The following NAV3 variants were observed in gnomAD, a reference collection of about 807,000 sequenced individuals.
The protein encoded by NAV3 is pore membrane and/or filament interacting like protein 1.
Under a neutral mutation model 244.7 loss-of-function variants are expected in NAV3, and 87 were observed. The ratio of observed to expected loss-of-function variants is 0.36; its 90% CI spans 0.30 to 0.42. The LOEUF (loss-of-function observed/expected upper bound fraction) is 0.42, where lower values mean the gene tolerates loss of function less well. Ranked by LOEUF, NAV3 falls within the 20% of genes least tolerant of loss-of-function variation. The probability of loss-of-function intolerance (pLI) is 1.00; values close to 1 mark genes in which losing one functional copy is unlikely to be tolerated. For missense variants in NAV3, 2,663 were observed against 2,893.3 expected (o/e 0.92, Z 1.83); for synonymous variants, 1,126 against 1,042.2 (o/e 1.08, Z -1.55).
At chr12:77,580,219 A>AAC (rs59671759) in intron 2 of NAV3, among the ~76,000 whole-genome samples, 8,247 of 145,334 alleles carry the variant, frequency 0.057, 276 homozygotes, top group East Asian at 0.13. Context: ...GTAGGGTGGG[A>AAC]ACACACACAC....
In NAV3 at chr12:78,190,033, T is replaced by C. The variant is rs1036393724; in HGVS notation, c.6105T>C (p.Pro2035=). ...GTTTTGTTTTTGATACGCTGATTCC[T>C]AAACCAATTACCCAAAGGTACTTTA... ...LDSFVFDTLI[P]KPITQRYFNL... Residue 2035 remains proline (P), a synonymous_variant, in exon 34 of 40, where the codon CCT becomes CCC. Coordinates refer to ENST00000397909, the MANE Select transcript of NAV3 (RefSeq NM_001024383.2). 1 of 1,613,176 alleles carries C rather than the reference T, an allele frequency of 6.2e-7. No homozygotes were observed. Among genetic ancestry groups the C allele is most frequent in the Non-Finnish European group, 8.5e-7 (1 of 1,179,446 alleles).
intron 2 of NAV3, among the ~76,000 whole-genome samples, chr12:77,727,526 C>T (rs1021995906): frequency 4.6e-5 from 7 of 151,174 alleles, no homozygotes; most frequent in Non-Finnish European, 8.8e-5. Context: ...TGAAATGAAA[C>T]GTAAGTGAAA....
chr12:78,159,185 C>A lies in NAV3; in HGVS notation c.4786-18C>A. On this transcript the variant is annotated intron_variant, in intron 22 of 39. Transcript: ENST00000397909. ...AGATTCTGACATTTAAACTATGTTT[C>A]TTCCATTCTGTTCACAGGCTCACCT... 1.2e-6 allele frequency: 2 copies of A among 1,605,636 alleles called. No homozygotes were observed. Among genetic ancestry groups the A allele is most frequent in the Non-Finnish European group, 8.5e-7 (1 of 1,175,388 alleles).
At chr12:77,656,948 C>A (rs1441013733) in intron 2 of NAV3, among the ~76,000 whole-genome samples, 1 of 152,122 alleles carries the variant, frequency 6.6e-6, no homozygotes, top group Non-Finnish European at 1.5e-5. Flanking sequence ...CTCTGGGACA[C>A]ATTCAAAGCA....
chr12:77,597,677 A>G (rs12227351), intron 2 of NAV3, among the ~76,000 whole-genome samples: 1 of 152,230 alleles, frequency 6.6e-6, no homozygotes, highest in East Asian at 1.9e-4. Context: ...GCTTTCTGAT[A>G]TTAAATAGCT....
At chr12:77,632,952 T>G (rs1255694823) in intron 2 of NAV3, among the ~76,000 whole-genome samples, 1 of 152,170 alleles carries the variant, frequency 6.6e-6, no homozygotes, top group Non-Finnish European at 1.5e-5. Flanking sequence ...TTGCAACTGG[T>G]CTTCTCTTTC....
At chr12:77,613,682 G>A (rs1179550184) in intron 2 of NAV3, among the ~76,000 whole-genome samples, 1 of 152,102 alleles carries the variant, frequency 6.6e-6, no homozygotes, top group African/African-American at 2.4e-5. Flanking sequence ...AGGCTGGAAG[G>A]GTAGTGTGTG....
At chr12:77,969,057 T>C (rs1593151846) in intron 5 of NAV3, among the ~76,000 whole-genome samples, 1 of 152,168 alleles carries the variant, frequency 6.6e-6, no homozygotes, top group African/African-American at 2.4e-5. Context: ...TTATCTTTCA[T>C]TGATATTTTT....
chr12:78,179,731 G>T (rs772970880), intron 29 of NAV3, 49 bp downstream of exon 29: 2 of 1,567,134 alleles, frequency 1.3e-6, no homozygotes, highest in Admixed American at 1.9e-5. Flanking sequence ...ACAAAAAAAT[G>T]CTGCTTATTC....
intron 2 of NAV3, among the ~76,000 whole-genome samples, chr12:77,637,976 G>A (rs1479955740): frequency 6.6e-6 from 1 of 152,190 alleles, no homozygotes. Context: ...GTTCTCAACA[G>A]GCACTATTTG....
intron 1 of NAV3, among the ~76,000 whole-genome samples, chr12:77,852,232 C>T (rs903646089): frequency 1.3e-5 from 2 of 152,164 alleles, no homozygotes; most frequent in Admixed American, 1.3e-4. Context: ...ACAGTTTAAA[C>T]TCTGAAAATT....
At chr12:77,903,187 A>T (rs1439614422) in intron 1 of NAV3, among the ~76,000 whole-genome samples, 5 of 152,112 alleles carry the variant, frequency 3.3e-5, no homozygotes, top group Non-Finnish European at 5.9e-5. Flanking sequence ...CATCGCCAAG[A>T]CAATCCTAAG....
At chr12:78,114,420 G>A (rs1417414013) in intron 12 of NAV3, among the ~76,000 whole-genome samples, 1 of 152,124 alleles carries the variant, frequency 6.6e-6, no homozygotes, top group African/African-American at 2.4e-5. Context: ...AGAAAAAAGA[G>A]GTTTAATTGA....
chr12:77,838,011 C>T (rs1326739616), intron 1 of NAV3, among the ~76,000 whole-genome samples: 1 of 152,206 alleles, frequency 6.6e-6, no homozygotes, highest in Non-Finnish European at 1.5e-5. Flanking sequence ...TTGGCTTGCT[C>T]ACATGGTAGC....
At chr12:77,981,440 A>C (rs970634201) in intron 5 of NAV3, among the ~76,000 whole-genome samples, 20 of 152,080 alleles carry the variant, frequency 1.3e-4, no homozygotes, top group African/African-American at 4.1e-4. Flanking sequence ...ATATGGTTTC[A>C]TTTCTATCCC....
intron 9 of NAV3, among the ~76,000 whole-genome samples, chr12:78,031,610 T>G (rs1878993804): frequency 6.6e-6 from 1 of 151,506 alleles, no homozygotes; most frequent in Middle Eastern, 3.2e-3. Flanking sequence ...TTGGAAATCA[T>G]CATTCTCAGT....
chr12:77,956,302 G>GTTCGTGAAAAATGAGAAGTATAC (rs1891353462), intron 3 of NAV3, among the ~76,000 whole-genome samples: 1 of 152,116 alleles, frequency 6.6e-6, no homozygotes, highest in African/African-American at 2.4e-5. Context: ...GAGAAGTATA[G>GTTCGTGAAAAATGAGAAGTATAC]TTCATGAAAA....
intron 2 of NAV3, among the ~76,000 whole-genome samples, chr12:77,762,326 T>C (rs1018050725): frequency 1.3e-5 from 2 of 152,132 alleles, no homozygotes; most frequent in Non-Finnish European, 1.5e-5. Context: ...ATACCTAATA[T>C]AGATGACAGG....
intron 2 of NAV3, among the ~76,000 whole-genome samples, chr12:77,761,263 T>C (rs1270583770): frequency 1.3e-5 from 2 of 152,128 alleles, no homozygotes; most frequent in African/African-American, 2.4e-5. Context: ...TGTTTCACCA[T>C]GTTGGCCAGG....
Sources: gnomAD v4.1 joint callset for allele counts (sites outside exome capture counted in the v4.1 genomes callset) on GRCh38, gnomAD v4.1.1 for gene constraint, MANE v1.5 for transcripts, NCBI Gene and HGNC (gene_info 2026-07-23, HGNC 2026-07-21) for gene names.